The following PHKB variants were observed in gnomAD, a reference collection of about 807,000 sequenced individuals.
PHKB encodes phosphorylase kinase regulatory subunit beta, also known as phosphorylase b kinase regulatory subunit beta.
A neutral mutation model predicts 152.1 loss-of-function variants in PHKB; 122 were observed. The ratio of observed to expected loss-of-function variants is 0.80; its 90% confidence interval spans 0.69 to 0.93. The LOEUF (loss-of-function observed/expected upper bound fraction) is 0.93. PHKB is among the 40% of genes least tolerant of loss of function. The pLI is 0.00. For missense variants in PHKB, 1,304 were observed against 1,328.4 expected (o/e 0.98, Z 0.29); for synonymous variants, 436 against 464.9 (o/e 0.94, Z 0.80).
At chr16:47,534,817 T>A (rs1474715517) in intron 6 of PHKB, among the ~76,000 whole-genome samples, 1 of 152,234 alleles carries the variant, frequency 6.6e-6, no homozygotes, top group Non-Finnish European at 1.5e-5. Context: ...TTCTATGATA[T>A]TCTTGCCAAA....
chr16:47,644,931 T>C (rs1973089238), intron 16 of PHKB, among the ~76,000 whole-genome samples: 1 of 152,228 alleles, frequency 6.6e-6, no homozygotes, highest in Non-Finnish European at 1.5e-5. Context: ...TTCCACCTAC[T>C]GTGCAGTCAT....
intron 4 of PHKB, among the ~76,000 whole-genome samples, chr16:47,503,502 T>G (rs748814727): frequency 6.6e-6 from 1 of 152,212 alleles, no homozygotes; most frequent in Non-Finnish European, 1.5e-5. Flanking sequence ...TTCATTCATT[T>G]ACATACAAAA....
chr16:47,546,070 C>T (rs943408450), intron 6 of PHKB, among the ~76,000 whole-genome samples: 3 of 152,136 alleles, frequency 2.0e-5, no homozygotes, highest in African/African-American at 7.2e-5. Flanking sequence ...TTGTTATTAC[C>T]AACTTTCTGA....
At chr16:47,669,090 C>A in intron 25 of PHKB, 125 bp from the exon 26 acceptor site, 1 of 696,444 alleles carries the variant, frequency 1.4e-6, no homozygotes, top group Non-Finnish European at 2.5e-6. Flanking sequence ...AACAGTTATT[C>A]TACCTAATTC....
At chr16:47,605,899 C>A (rs894554017) in intron 13 of PHKB, among the ~76,000 whole-genome samples, 2 of 152,156 alleles carry the variant, frequency 1.3e-5, no homozygotes, top group Non-Finnish European at 2.9e-5. Context: ...AGAGCCCAGA[C>A]TCTGGGAGTC....
Position 47,594,215 on chromosome 16 carries a change from G to A in PHKB, c.1204+1G>A. Reference sequence around the variant, plus strand: ...CCAGTACTTCATCATACCACAGAAGGTATAGTTGTTTTTTTAAGAAATTCT... The same window carrying A: ...CCAGTACTTCATCATACCACAGAAGATATAGTTGTTTTTTTAAGAAATTCT... On this transcript the variant is annotated splice_donor_variant, in intron 12 of 30. Transcript: ENST00000323584. LOFTEE classifies it high-confidence loss of function. The A allele has an allele frequency of 6.7e-7, 1 of 1,503,344 alleles. No homozygotes were observed. The highest frequency in any genetic ancestry group is 1.1e-5 in the South Asian group (1 of 88,782). 93.1% of individuals were successfully genotyped at this position (1,503,344 alleles called of 1,614,324 possible).
Position 47,587,710 on chromosome 16 carries a change from A to G in PHKB, c.817A>G (p.Asn273Asp). The change falls in exon 9 of 31, where the codon AAT (asparagine) becomes GAT (aspartate). Residue 273 changes from asparagine to aspartate, a missense_variant. Asn to Asp is a conservative substitution (Grantham distance 23). Transcript: ENST00000323584. ...TATATTTGTGGATCTCGATGCTCAC[A>G]ATCGCAACAGGCAAACTTTGTGCTC... is the stretch of plus-strand genomic sequence containing the variant. ...SVIFVDLDAHNRNRQTLCSLL... is the reference protein window; with the variant it reads ...SVIFVDLDAHDRNRQTLCSLL... 2.5e-6 allele frequency: 4 copies of G among 1,613,678 alleles called. No individual in the cohort carries two copies. Among genetic ancestry groups the G allele is most frequent in the South Asian group, 2.2e-5 (2 of 91,058 alleles).
At chr16:47,631,068 A>G (rs2151720776) in intron 14 of PHKB, among the ~76,000 whole-genome samples, 1 of 152,238 alleles carries the variant, frequency 6.6e-6, no homozygotes, top group South Asian at 2.1e-4. Flanking sequence ...GCTCACCTGC[A>G]TATCCTGAGA....
At chr16:47,532,222 T>C (rs181326288) in intron 6 of PHKB, among the ~76,000 whole-genome samples, 2 of 152,368 alleles carry the variant, frequency 1.3e-5, no homozygotes, top group East Asian at 3.9e-4. Context: ...GATAATTCTC[T>C]GCCCTCTTGA....
At chr16:47,688,413 A>T (rs1034613697) in intron 26 of PHKB, among the ~76,000 whole-genome samples, 3 of 152,240 alleles carry the variant, frequency 2.0e-5, no homozygotes, top group Non-Finnish European at 4.4e-5. Context: ...TTATTTACAC[A>T]TAAAATAATT....
intron 12 of PHKB, among the ~76,000 whole-genome samples, chr16:47,595,698 A>G (rs1972106333): frequency 6.6e-6 from 1 of 152,314 alleles, no homozygotes; most frequent in African/African-American, 2.4e-5. Context: ...CTGTGGCTCT[A>G]AGTATTTGCA....
chr16:47,461,319 G>T (rs749426128), upstream of PHKB: 1 of 1,563,170 alleles, frequency 6.4e-7, no homozygotes, highest in South Asian at 1.1e-5. Flanking sequence ...GGCGGCCCCG[G>T]GGGCGGTGGC....
chr16:47,682,607 G>C (rs1190384951), intron 26 of PHKB, among the ~76,000 whole-genome samples: 1 of 152,150 alleles, frequency 6.6e-6, no homozygotes, highest in Non-Finnish European at 1.5e-5. Flanking sequence ...TTGGCTTTCA[G>C]CTCCATCAGG....
rs1440505953 is a variant in PHKB at position 47,620,231 on chromosome 16, AT to A, written c.1458+9312del. On this transcript the variant is annotated intron_variant, in intron 14 of 30. Coordinates refer to ENST00000323584, the MANE Select transcript of PHKB (RefSeq NM_000293.3). ...GTCAAAGGAAGAATTATAGAAAAAA[AT>A]ATTCTGATATGAAAATGCTATTTCA... 1.2e-4 allele frequency among the ~76,000 whole-genome samples: 18 copies of A among 152,328 alleles called. No individual in the cohort carries two copies. The South Asian group carries it at 1.7e-3, about 14-fold the overall frequency.
intron 1 of PHKB, 83 bp downstream of exon 1, chr16:47,461,509 G>T: frequency 1.4e-6 from 2 of 1,419,696 alleles, no homozygotes; most frequent in Non-Finnish European, 2.0e-6. Flanking sequence ...AGGCAGGTGG[G>T]GGCCCTGGGA....
At chr16:47,594,011 A>C in intron 11 of PHKB, 126 bp from the exon 12 acceptor site, 2 of 628,340 alleles carry the variant, frequency 3.2e-6, no homozygotes, top group South Asian at 3.9e-5. Context: ...TTCCACTTTA[A>C]TTTTACCATT....
chr16:47,560,812 C>A (rs1397802103), intron 7 of PHKB, among the ~76,000 whole-genome samples: 4 of 151,940 alleles, frequency 2.6e-5, no homozygotes, highest in Non-Finnish European at 5.9e-5. Context: ...GTATAGAATT[C>A]TTTTTTACTC....
At chr16:47,665,347 G>C in intron 25 of PHKB, 1 of 237,738 alleles carries the variant, frequency 4.2e-6, no homozygotes, top group Admixed American at 5.2e-5. Context: ...AAAAAAATCT[G>C]TTCTCCCTAG....
chr16:47,622,281 A>G (rs796228465), intron 14 of PHKB, among the ~76,000 whole-genome samples: 10 of 152,280 alleles, frequency 6.6e-5, no homozygotes, highest in African/African-American at 2.4e-4. Flanking sequence ...TTTTGAATCT[A>G]TTCACATTTT....
Sources: allele counts gnomAD v4.1 joint callset (sites outside exome capture counted in the v4.1 genomes callset), GRCh38; gene constraint gnomAD v4.1.1; transcripts MANE v1.5; gene names NCBI Gene and HGNC (gene_info 2026-07-23, HGNC 2026-07-21).